Variants in CTPS2 observed in about 807,000 individuals in gnomAD.
The protein encoded by CTPS2 is CTP synthase 2.
In CTPS2, 19 loss-of-function variants were observed where a neutral mutation model predicts 46.8. The observed-to-expected ratio is 0.41, with a 90% CI of 0.28 to 0.60. The LOEUF (loss-of-function observed/expected upper bound fraction) is 0.60, where lower values mean the gene tolerates loss of function less well. Among genes scored for constraint, CTPS2 ranks in the 20% least tolerant of loss-of-function variants. CTPS2 has a pLI of 0.35. For missense variants in CTPS2, 286 were observed against 447.6 expected, an observed-to-expected ratio of 0.64 and a Z score of 3.26; for synonymous variants, 151 against 165.2, an observed-to-expected ratio of 0.91 and a Z score of 0.66.
intron 1 of CTPS2, among the ~76,000 whole-genome samples, chrX:16,703,354 A>G (rs1203144094): frequency 9.4e-6 from 1 of 106,710 alleles, no homozygotes; most frequent in Non-Finnish European, 1.9e-5. Flanking sequence ...TTTAAGAGAC[A>G]GTGTCTCCCT....
chrX:16,700,768 A>G (rs780068462), intron 2 of CTPS2, among the ~76,000 whole-genome samples: 19 of 111,228 alleles, frequency 1.7e-4, no homozygotes, highest in Non-Finnish European at 3.2e-4. Context: ...ACCCAGACTG[A>G]ACGAGAAATC....
At chrX:16,629,810 T>C (rs1214985699) in intron 14 of CTPS2, among the ~76,000 whole-genome samples, 2 of 112,278 alleles carry the variant, frequency 1.8e-5, no homozygotes, top group Non-Finnish European at 3.8e-5. Context: ...CTCCCAGCAC[T>C]GGGTCTCACT....
chrX:16,700,013 A>G (rs909658001), intron 2 of CTPS2, among the ~76,000 whole-genome samples: 1 of 108,291 alleles, frequency 9.2e-6, no homozygotes, highest in Non-Finnish European at 1.9e-5. Flanking sequence ...GCTCACTGCA[A>G]CCTCCGCCTC....
At chrX:16,674,917 T>C (rs766219390) in intron 10 of CTPS2, among the ~76,000 whole-genome samples, 3 of 110,138 alleles carry the variant, frequency 2.7e-5, no homozygotes, top group South Asian at 7.8e-4. Context: ...AAATTGAACA[T>C]TGAAATAAAA....
In CTPS2 at chrX:16,709,580, A is replaced by G. The variant is rs760769207; in HGVS notation, c.-40+2755T>C. Among the ~76,000 whole-genome samples, 31 of 104,400 alleles carry G rather than the reference A, an allele frequency of 3.0e-4. No individual in the cohort carries two copies. In the East Asian group the frequency reaches 3.5e-3, roughly 12 times the overall value. 90.7% of individuals were successfully genotyped at this position (104,400 alleles called of 115,157 possible). On this transcript the variant is annotated intron_variant, in intron 1 of 18. Coordinates refer to ENST00000359276, the MANE Select transcript of CTPS2 (RefSeq NM_175859.3). ...GATTTCCATCTTATGGCCGGGTGCA[A>G]TGGCTCACGCCTGTAATCCCAACAC...
chrX:16,668,448 G>T (rs1197476187), intron 11 of CTPS2, among the ~76,000 whole-genome samples: 2 of 106,861 alleles, frequency 1.9e-5, no homozygotes, highest in Middle Eastern at 4.4e-3. Flanking sequence ...AGCCAGGCAT[G>T]GTGGTGGGTG....
At chrX:16,627,457 A>G (rs1381437709) in intron 14 of CTPS2, among the ~76,000 whole-genome samples, 2 of 112,003 alleles carry the variant, frequency 1.8e-5, no homozygotes, top group Middle Eastern at 4.6e-3. Flanking sequence ...AGATTTCCAG[A>G]TTTTCTTGAA....
At chrX:16,635,318 TA>T (rs1931685853) in intron 14 of CTPS2, among the ~76,000 whole-genome samples, 1 of 110,871 alleles carries the variant, frequency 9.0e-6, no homozygotes, top group African/African-American at 3.3e-5. Context: ...TATAAAAACA[TA>T]AATAAATACA....
chrX:16,605,627 C>T (rs1419536506), intron 17 of CTPS2, among the ~76,000 whole-genome samples: 8 of 111,494 alleles, frequency 7.2e-5, no homozygotes, highest in African/African-American at 2.6e-4. Context: ...GAGGCTGAGG[C>T]ATAAGAATTG....
At chrX:16,669,673 G>A (rs1458700201) in intron 11 of CTPS2, among the ~76,000 whole-genome samples, 3 of 110,354 alleles carry the variant, frequency 2.7e-5, no homozygotes, top group African/African-American at 9.9e-5. Context: ...TGGATCCTAA[G>A]AGGAGAGAGT....
At chrX:16,657,532 A>C (rs1217060538) in intron 13 of CTPS2, among the ~76,000 whole-genome samples, 1 of 111,345 alleles carries the variant, frequency 9.0e-6, no homozygotes, top group Non-Finnish European at 1.9e-5. Flanking sequence ...GCAAGTGCAC[A>C]GTAGAAACTA....
chrX:16,689,786 T>C (rs748748597), intron 7 of CTPS2, among the ~76,000 whole-genome samples, 185 bp from the exon 8 acceptor site: 21 of 111,917 alleles, frequency 1.9e-4, no homozygotes, highest in Non-Finnish European at 3.0e-4. Context: ...CTTCATTTAA[T>C]TAGAAAACTA....
Position 16,617,219 on chromosome X carries a change from C to G in CTPS2, c.1477G>C (p.Glu493Gln). The change falls in exon 16 of 19, where the codon GAG (glutamate) becomes CAG (glutamine). Residue 493 changes from glutamate to glutamine, a missense_variant. Glu to Gln is a conservative substitution (Grantham distance 29). Transcript: ENST00000359276. Reference protein sequence around the residue: ...EVNPNLIKQFEQNDLSFVGQD... With the variant: ...EVNPNLIKQFQQNDLSFVGQD... ...CCTACAAAACTTAAGTCATTCTGCTCAAATTGTTTGATCAGGTTAGGGTTT... is the reference window on the plus strand; with the variant it reads ...CCTACAAAACTTAAGTCATTCTGCTGAAATTGTTTGATCAGGTTAGGGTTT... 8.3e-7 allele frequency: 1 copy of G among 1,209,872 alleles called. No individual in the cohort carries two copies. Among genetic ancestry groups the G allele is most frequent in the Non-Finnish European group, 1.1e-6 (1 of 894,247 alleles).
At chrX:16,659,097 T>A (rs1172788168) in intron 13 of CTPS2, among the ~76,000 whole-genome samples, 3 of 112,430 alleles carry the variant, frequency 2.7e-5, no homozygotes, top group African/African-American at 9.7e-5. Context: ...TTATTATTTG[T>A]GGTGTGTGTT....
intron 14 of CTPS2, among the ~76,000 whole-genome samples, chrX:16,631,058 A>G (rs1013585124): frequency 3.6e-5 from 4 of 112,136 alleles, no homozygotes; most frequent in South Asian, 3.7e-4. Flanking sequence ...CATCTCTACA[A>G]AAATTTTAGG....
intron 14 of CTPS2, among the ~76,000 whole-genome samples, chrX:16,627,798 T>G (rs1253150691): frequency 9.0e-6 from 1 of 111,383 alleles, no homozygotes; most frequent in Admixed American, 9.6e-5. Context: ...CTGCACCCCC[T>G]GCTCTCCACC....
At chrX:16,689,647 A>G in intron 7 of CTPS2, 46 bp from the exon 8 acceptor site, 1 of 1,111,672 alleles carries the variant, frequency 9.0e-7, no homozygotes, top group East Asian at 3.0e-5. Context: ...ATCTATTCAA[A>G]TATGCCACCA....
intron 13 of CTPS2, among the ~76,000 whole-genome samples, chrX:16,658,410 C>T (rs1932870162): frequency 8.9e-6 from 1 of 111,991 alleles, no homozygotes; most frequent in African/African-American, 3.2e-5. Context: ...ACTATTTCCC[C>T]ATTGTGGGGC....
At chrX:16,606,335 T>C (rs907260096) in intron 17 of CTPS2, among the ~76,000 whole-genome samples, 2 of 112,017 alleles carry the variant, frequency 1.8e-5, no homozygotes, top group Admixed American at 1.9e-4. Flanking sequence ...TCATTTGCTT[T>C]TCAAAGCTCA....
Sources: gnomAD v4.1 joint callset for allele counts (sites outside exome capture counted in the v4.1 genomes callset) on GRCh38, gnomAD v4.1.1 for gene constraint, MANE v1.5 for transcripts, NCBI Gene and HGNC (gene_info 2026-07-23, HGNC 2026-07-21) for gene names.